Variants in FGF14 observed in about 807,000 individuals in gnomAD.
FGF14 encodes fibroblast growth factor homologous factor 4.
In FGF14, 5 loss-of-function variants were observed where a neutral mutation model predicts 25.5. The ratio of observed to expected loss-of-function variants is 0.20; its 90% CI spans 0.10 to 0.41. FGF14 has a LOEUF of 0.41. FGF14 is among the 10% of genes least tolerant of loss of function. FGF14 has a pLI of 1.00. For synonymous variants in FGF14, 138 were observed against 118.3 expected (o/e 1.17, Z -1.08); for missense variants, 222 against 320.1 (o/e 0.69, Z 2.34).
intron 1 of FGF14, among the ~76,000 whole-genome samples, chr13:101,877,558 T>C (rs374626413): frequency 2.8e-4 from 43 of 152,288 alleles, no homozygotes; most frequent in African/African-American, 9.9e-4. Context: ...CCCACTTAAC[T>C]GCTACCTAAT....
intron 1 of FGF14, among the ~76,000 whole-genome samples, chr13:102,019,227 T>C (rs1293099196): frequency 2.0e-5 from 3 of 152,094 alleles, no homozygotes; most frequent in Non-Finnish European, 1.5e-5. Context: ...CCACCTAACT[T>C]TCCTCAGAAG....
At chr13:102,026,879 T>C (rs2040955885) in intron 1 of FGF14, among the ~76,000 whole-genome samples, 1 of 152,006 alleles carries the variant, frequency 6.6e-6, no homozygotes, top group Non-Finnish European at 1.5e-5. Flanking sequence ...AGATTTCACT[T>C]AGAATTGAAC....
intron 1 of FGF14, among the ~76,000 whole-genome samples, chr13:102,371,079 T>C (rs2057868103): frequency 6.6e-6 from 1 of 152,208 alleles, no homozygotes; most frequent in African/African-American, 2.4e-5. Context: ...ATTGCAATAA[T>C]TTCTGGCCAC....
chr13:101,917,655 G>A (rs1039970972), upstream of FGF14, among the ~76,000 whole-genome samples: 1 of 152,066 alleles, frequency 6.6e-6, no homozygotes, highest in Non-Finnish European at 1.5e-5. Context: ...CCGGGTTGGA[G>A]GGAGGAGCCT....
intron 3 of FGF14, among the ~76,000 whole-genome samples, chr13:101,806,396 G>A (rs2041199705): frequency 6.7e-6 from 1 of 149,712 alleles, no homozygotes; most frequent in Non-Finnish European, 1.5e-5. Flanking sequence ...ACCAGCCTGG[G>A]TGACAGAGCA....
At chr13:101,999,999 C>T (rs1404521355) in intron 1 of FGF14, among the ~76,000 whole-genome samples, 1 of 152,166 alleles carries the variant, frequency 6.6e-6, no homozygotes, top group Non-Finnish European at 1.5e-5. Context: ...AACCTATATA[C>T]TGAAGCTCAG....
intron 3 of FGF14, among the ~76,000 whole-genome samples, chr13:101,853,469 T>G (rs1179222879): frequency 2.0e-5 from 3 of 152,088 alleles, no homozygotes; most frequent in African/African-American, 7.2e-5. Flanking sequence ...TTTTTTTAGT[T>G]AGAGACAGGG....
chr13:101,908,695 C>G lies in FGF14; in HGVS notation c.193+7758G>C, dbSNP rs956508375. On this transcript the variant is annotated intron_variant, in intron 1 of 4. Coordinates refer to ENST00000376143, the MANE Select transcript of FGF14 (RefSeq NM_004115.4). ...GTCATTTATAGATTCAATGCCATCCCCATCAAGCTACCAATGACTTTCTTC... is the reference window on the plus strand; with the variant it reads ...GTCATTTATAGATTCAATGCCATCCGCATCAAGCTACCAATGACTTTCTTC... Among the ~76,000 whole-genome samples, 68 of 152,112 alleles carry G rather than the reference C, an allele frequency of 4.5e-4. 1 individual carries two copies. Among genetic ancestry groups the G allele is most frequent in the Non-Finnish European group, 1.6e-4 (11 of 68,022 alleles).
At chr13:102,362,349 T>A (rs528357493) in intron 1 of FGF14, among the ~76,000 whole-genome samples, 3 of 152,208 alleles carry the variant, frequency 2.0e-5, no homozygotes, top group Non-Finnish European at 4.4e-5. Flanking sequence ...TCAAGTATTA[T>A]CTCATTTGCT....
intron 1 of FGF14, among the ~76,000 whole-genome samples, chr13:101,929,517 G>A (rs893664772): frequency 6.6e-6 from 1 of 152,160 alleles, no homozygotes; most frequent in Non-Finnish European, 1.5e-5. Flanking sequence ...AGAACCAGCT[G>A]AGGTAATAAA....
rs375169476 is a variant in FGF14 at position 102,318,911 on chromosome 13, G to A, written c.208+82560C>T. Among the ~76,000 whole-genome samples, 246 of 152,272 alleles carry A rather than the reference G, an allele frequency of 1.6e-3. 2 individuals carry two copies. Among genetic ancestry groups the A allele is most frequent in the African/African-American group, 5.5e-3 (227 of 41,538 alleles). ...CAATACACATGTGAGTTAAATAAACGAATGCATGAGTGAATCATCCTTTCT... is the reference window on the plus strand; with the variant it reads ...CAATACACATGTGAGTTAAATAAACAAATGCATGAGTGAATCATCCTTTCT... On this transcript the variant is annotated intron_variant, in intron 1 of 4. Coordinates refer to the FGF14 transcript ENST00000376131.
chr13:101,898,304 AAG>A (rs1374429637), intron 1 of FGF14, among the ~76,000 whole-genome samples: 1 of 151,304 alleles, frequency 6.6e-6, no homozygotes, highest in East Asian at 1.9e-4. Flanking sequence ...CATTTCACAC[AAG>A]AGATACTCAA....
At chr13:101,740,860 A>T (rs1463916211) in intron 3 of FGF14, among the ~76,000 whole-genome samples, 1 of 152,132 alleles carries the variant, frequency 6.6e-6, no homozygotes, top group Non-Finnish European at 1.5e-5. Flanking sequence ...AGAAATCTTC[A>T]TGCATTCCTA....
Position 101,726,724 on chromosome 13 carries a change from C to T in FGF14, c.495G>A (p.Gln165=). 1.2e-6 allele frequency: 2 copies of T among 1,612,694 alleles called. No individual in the cohort carries two copies. Among genetic ancestry groups the T allele is most frequent in the East Asian group, 2.2e-5 (1 of 44,848 alleles). The change falls in exon 4 of 5, where the codon CAG becomes CAA. Residue 165 remains glutamine, a synonymous_variant. Transcript: ENST00000376143. ...CCAAAAACCAGGCTCTACCAGATTC[C>T]TGTTGTCTGTACAACATGGATGAGT... is the stretch of plus-strand genomic sequence containing the variant. ...VIYSSMLYRQ[Q]ESGRAWFLGL... is the part of the protein sequence containing the mutation.
chr13:102,345,611 T>C (rs1201057049), intron 1 of FGF14, among the ~76,000 whole-genome samples: 2 of 152,364 alleles, frequency 1.3e-5, no homozygotes, highest in East Asian at 3.9e-4. Flanking sequence ...TGTTCTTTTC[T>C]AGAAGAGTTA....
intron 1 of FGF14, among the ~76,000 whole-genome samples, chr13:102,363,747 C>G (rs2057631699): frequency 6.6e-6 from 1 of 152,172 alleles, no homozygotes; most frequent in Admixed American, 6.5e-5. Context: ...CTTTATTTGT[C>G]CTGTTGCCAC....
chr13:102,257,337 C>CTTTTTTTTTTTTTTTTTTTT (rs2052492542), intron 1 of FGF14, among the ~76,000 whole-genome samples: 1 of 24,978 alleles, frequency 4.0e-5, no homozygotes, highest in Non-Finnish European at 9.1e-5. Flanking sequence ...CATTTCCTTT[C>CTTTTTTTTTTTTTTTTTTTT]TTTTCTTTTT....
intron 3 of FGF14, among the ~76,000 whole-genome samples, chr13:101,740,795 TTTTTTA>T (rs2036501172): frequency 1.3e-5 from 2 of 152,194 alleles, no homozygotes; most frequent in Admixed American, 6.5e-5. Context: ...TAGTAACCTG[TTTTTTA>T]TTTTTATTTT....
At chr13:102,028,750 G>A (rs1028740073) in intron 1 of FGF14, among the ~76,000 whole-genome samples, 1 of 151,890 alleles carries the variant, frequency 6.6e-6, no homozygotes, top group Non-Finnish European at 1.5e-5. Context: ...TTAAATCACA[G>A]ATGCCCTTCT....
Sources: allele counts gnomAD v4.1 joint callset (sites outside exome capture counted in the v4.1 genomes callset), GRCh38; gene constraint gnomAD v4.1.1; transcripts MANE v1.5; gene names NCBI Gene and HGNC (gene_info 2026-07-23, HGNC 2026-07-21).